The following ROCK1 variants were observed in gnomAD, a reference collection of about 807,000 sequenced individuals.
The protein encoded by ROCK1 is rho-associated protein kinase 1.
Under a neutral mutation model 196.8 loss-of-function variants are expected in ROCK1, and 36 were observed. The observed-to-expected ratio is 0.18, with a 90% CI of 0.14 to 0.24. The LOEUF is 0.24. Among genes scored for constraint, ROCK1 ranks in the 10% least tolerant of loss-of-function variants. ROCK1 has a pLI of 1.00. For synonymous variants in ROCK1, 443 were observed against 515.9 expected, an observed-to-expected ratio of 0.86 and a Z score of 1.91; for missense variants, 920 against 1,562.0, an observed-to-expected ratio of 0.59 and a Z score of 6.93.
In ROCK1 at chr18:21,085,518, A is replaced by G. The variant is rs372899059; in HGVS notation, c.94-14905T>C. Among the ~76,000 whole-genome samples the G allele has an allele frequency of 4.5e-4, 69 of 152,228 alleles. No individual in the cohort carries two copies. The South Asian group carries it at 8.3e-3, about 18-fold the overall frequency. On this transcript the variant is annotated intron_variant, in intron 1 of 32. Coordinates refer to ENST00000399799, the MANE Select transcript of ROCK1 (RefSeq NM_005406.3). ...TGAGAAAAATGGCTAAATAAATGAG[A>G]AAGACTAGAAGTTTGCATGATTTAA...
At chr18:20,955,335 CA>C (rs2035231478) in intron 29 of ROCK1, 90 bp from the exon 30 acceptor site, 1 of 935,628 alleles carries the variant, frequency 1.1e-6, no homozygotes, top group Admixed American at 3.1e-5. Flanking sequence ...GATAAATAAG[CA>C]CACAAAAAGA....
At chr18:21,005,367 G>C (rs2035759898) in intron 16 of ROCK1, among the ~76,000 whole-genome samples, 1 of 152,172 alleles carries the variant, frequency 6.6e-6, no homozygotes, top group African/African-American at 2.4e-5. Context: ...TACCAACGAT[G>C]CATGAGGAAT....
chr18:21,020,059 A>C (rs117480802), intron 12 of ROCK1, 92 bp downstream of exon 12: 11,226 of 664,358 alleles, frequency 0.017, 155 homozygotes, highest in Middle Eastern at 0.026. Context: ...CTCATTTTCT[A>C]TTTACTTTCA....
intron 10 of ROCK1, 139 bp downstream of exon 10, chr18:21,028,637 G>T: frequency 1.4e-6 from 1 of 730,622 alleles, no homozygotes; most frequent in Non-Finnish European, 2.1e-6. Context: ...TGAAATACTG[G>T]AAATATCATG....
chr18:21,066,250 G>T (rs952864794), intron 2 of ROCK1, among the ~76,000 whole-genome samples: 2 of 151,914 alleles, frequency 1.3e-5, no homozygotes. Context: ...AAATAAGTTT[G>T]TTATGTTTAT....
intron 1 of ROCK1, among the ~76,000 whole-genome samples, chr18:21,078,373 C>CACAGAG (rs1491188980): frequency 0.014 from 938 of 66,164 alleles, 6 homozygotes; most frequent in African/African-American, 0.031. Context: ...CACACACACA[C>CACAGAG]AGAGAGAGAG....
At chr18:21,076,637 T>C (rs1456970182) in intron 1 of ROCK1, among the ~76,000 whole-genome samples, 1 of 151,372 alleles carries the variant, frequency 6.6e-6, no homozygotes, top group Non-Finnish European at 1.5e-5. Context: ...TGGACTAAAA[T>C]TTCTGACCTC....
At chr18:20,973,765 G>T (rs1387999161) in intron 22 of ROCK1, among the ~76,000 whole-genome samples, 1 of 150,332 alleles carries the variant, frequency 6.7e-6, no homozygotes, top group Non-Finnish European at 1.5e-5. Flanking sequence ...GACAATTTAT[G>T]ACTTTTTTGT....
At chr18:21,026,769 A>G (rs1410997961) in intron 10 of ROCK1, among the ~76,000 whole-genome samples, 3 of 152,102 alleles carry the variant, frequency 2.0e-5, no homozygotes, top group Non-Finnish European at 4.4e-5. Context: ...AAATGTAATA[A>G]TTTACTCCAA....
At chr18:21,099,264 GAATATA>G (rs746240009) in intron 1 of ROCK1, among the ~76,000 whole-genome samples, 9 of 151,146 alleles carry the variant, frequency 6.0e-5, no homozygotes, top group East Asian at 1.9e-4. Flanking sequence ...GATTAAAAAA[GAATATA>G]AATATATCTA....
chr18:20,972,121 G>C (rs2035434962), intron 22 of ROCK1, among the ~76,000 whole-genome samples: 1 of 152,084 alleles, frequency 6.6e-6, no homozygotes, highest in Non-Finnish European at 1.5e-5. Flanking sequence ...ATGGCAGTTT[G>C]GACCAGGTCA....
chr18:21,001,375 T>C (rs1368623303), intron 16 of ROCK1, among the ~76,000 whole-genome samples: 1 of 152,210 alleles, frequency 6.6e-6, no homozygotes, highest in Non-Finnish European at 1.5e-5. Flanking sequence ...ATTTTGAATG[T>C]AGTAAATGCT....
At chr18:21,037,252 G>A (rs1334228848) in intron 9 of ROCK1, among the ~76,000 whole-genome samples, 8 of 152,208 alleles carry the variant, frequency 5.3e-5, no homozygotes, top group Admixed American at 1.3e-4. Flanking sequence ...TGGAAATTCT[G>A]CCAAAAATCA....
chr18:21,028,051 G>A (rs1427748610), intron 10 of ROCK1, among the ~76,000 whole-genome samples: 9 of 148,106 alleles, frequency 6.1e-5, no homozygotes, highest in East Asian at 2.1e-4. Flanking sequence ...GTGAGCCACC[G>A]CGCCCGGCCC....
intron 29 of ROCK1, 144 bp downstream of exon 29, chr18:20,959,696 A>G: frequency 2.1e-6 from 1 of 474,808 alleles, no homozygotes; most frequent in South Asian, 5.0e-5. Flanking sequence ...GATTTAATAT[A>G]ATGTCAACAT....
At position 21,054,661 on chromosome 18, in the gene ROCK1, C is replaced by T. The variant is rs77238190; in HGVS notation, c.176-4781G>A. Among the ~76,000 whole-genome samples, 49 of 152,288 alleles carry T rather than the reference C, an allele frequency of 3.2e-4. No homozygotes were observed. In the East Asian group the frequency reaches 5.6e-3, roughly 17 times the overall value. On this transcript the variant is annotated intron_variant, in intron 2 of 32. Coordinates refer to ENST00000399799, the MANE Select transcript of ROCK1 (RefSeq NM_005406.3). Reference sequence around the variant, plus strand: ...CACGTCTCATCGCTAGACAGTTTTACTTCCTGATTTACTGAACTTCTCTCC... The same window carrying T: ...CACGTCTCATCGCTAGACAGTTTTATTTCCTGATTTACTGAACTTCTCTCC...
intron 20 of ROCK1, among the ~76,000 whole-genome samples, chr18:20,983,758 A>T (rs557500023): frequency 1.3e-5 from 2 of 152,316 alleles, no homozygotes; most frequent in South Asian, 4.1e-4. Flanking sequence ...GAAAACTGAC[A>T]ATTTAATCCA....
chr18:21,100,928 C>A (rs2036654246), intron 1 of ROCK1, among the ~76,000 whole-genome samples: 1 of 152,206 alleles, frequency 6.6e-6, no homozygotes, highest in South Asian at 2.1e-4. Flanking sequence ...TGTGACTAGT[C>A]ACAGAGCACT....
chr18:21,097,404 C>T (rs1389921860), intron 1 of ROCK1, among the ~76,000 whole-genome samples: 1 of 152,152 alleles, frequency 6.6e-6, no homozygotes, highest in Non-Finnish European at 1.5e-5. Context: ...CTTCATCCAA[C>T]CTATACTATA....
Sources: allele counts gnomAD v4.1 joint callset (sites outside exome capture counted in the v4.1 genomes callset), GRCh38; gene constraint gnomAD v4.1.1; transcripts MANE v1.5; gene names NCBI Gene and HGNC (gene_info 2026-07-23, HGNC 2026-07-21).